Variants in SLC7A1 observed in about 807,000 individuals in gnomAD.
SLC7A1 encodes the protein solute carrier family 7 member 1, also known as high affinity cationic amino acid transporter 1.
Under a neutral mutation model 53.9 loss-of-function variants are expected in SLC7A1, and 10 were observed. The observed-to-expected ratio is 0.19, with a 90% CI of 0.11 to 0.31. The LOEUF is 0.31. Ranked by LOEUF, SLC7A1 falls within the 10% of genes least tolerant of loss-of-function variation. The pLI, the probability that SLC7A1 is intolerant of heterozygous loss-of-function variation, is 1.00. For synonymous variants in SLC7A1, 342 were observed against 338.7 expected (o/e 1.01, Z -0.11); for missense variants, 525 against 827.2 (o/e 0.63, Z 4.48).
chr13:29,579,170 C>T (rs143526057), intron 1 of SLC7A1, among the ~76,000 whole-genome samples: 1 of 152,280 alleles, frequency 6.6e-6, no homozygotes, highest in African/African-American at 2.4e-5. Context: ...GTGTATGGCT[C>T]ACTAATCCTT....
intron 1 of SLC7A1, among the ~76,000 whole-genome samples, chr13:29,571,355 A>G (rs953707670): frequency 7.2e-5 from 11 of 152,250 alleles, no homozygotes; most frequent in African/African-American, 2.4e-4. Context: ...TTATAAAAAC[A>G]TAACATAATG....
intron 2 of SLC7A1, among the ~76,000 whole-genome samples, chr13:29,537,842 T>C (rs964913900): frequency 1.7e-4 from 26 of 152,358 alleles, no homozygotes; most frequent in African/African-American, 4.6e-4. Context: ...CTAACTTGGC[T>C]GCAATTAAAT....
chr13:29,515,549 CCA>C (rs1404902910), intron 12 of SLC7A1, among the ~76,000 whole-genome samples: 1 of 152,222 alleles, frequency 6.6e-6, no homozygotes, highest in Non-Finnish European at 1.5e-5. Context: ...ATGGCCAGGG[CCA>C]CTTTCCTGGC....
chr13:29,519,646 G>T, intron 8 of SLC7A1, 97 bp from the exon 9 acceptor site: 1 of 708,558 alleles, frequency 1.4e-6, no homozygotes. Flanking sequence ...CAGCGAAGGG[G>T]GCTGCTTTTA....
intron 2 of SLC7A1, among the ~76,000 whole-genome samples, chr13:29,542,731 T>C (rs1438828309): frequency 1.4e-5 from 2 of 146,946 alleles, no homozygotes; most frequent in Non-Finnish European, 3.0e-5. Context: ...GAAAATTGAA[T>C]TGGAGAGAGT....
chr13:29,541,622 T>C (rs765463056), intron 2 of SLC7A1, among the ~76,000 whole-genome samples: 20 of 152,230 alleles, frequency 1.3e-4, no homozygotes, highest in Non-Finnish European at 2.6e-4. Flanking sequence ...GTACAATGTA[T>C]AGAAGACTGA....
chr13:29,537,931 C>T (rs1306651177), intron 2 of SLC7A1, among the ~76,000 whole-genome samples: 1 of 152,218 alleles, frequency 6.6e-6, no homozygotes, highest in Non-Finnish European at 1.5e-5. Context: ...TTTGCACCCT[C>T]AGCTGCCGGG....
intron 1 of SLC7A1, among the ~76,000 whole-genome samples, chr13:29,579,507 C>T (rs924752997): frequency 6.6e-6 from 1 of 152,100 alleles, no homozygotes; most frequent in Admixed American, 6.5e-5. Flanking sequence ...ACTACAGGCA[C>T]ACACCACCAT....
intron 1 of SLC7A1, among the ~76,000 whole-genome samples, chr13:29,581,032 A>G (rs1268807937): frequency 6.6e-6 from 1 of 152,212 alleles, no homozygotes; most frequent in Non-Finnish European, 1.5e-5. Context: ...GTTTTAAAGA[A>G]AAATGTAAAT....
intron 5 of SLC7A1, among the ~76,000 whole-genome samples, chr13:29,527,846 C>G (rs1868968113): frequency 6.6e-6 from 1 of 152,284 alleles, no homozygotes; most frequent in African/African-American, 2.4e-5. Flanking sequence ...AAAAGCCACA[C>G]TCCCCTGTTC....
chr13:29,551,556 C>T (rs1461808016), intron 2 of SLC7A1, among the ~76,000 whole-genome samples: 1 of 152,170 alleles, frequency 6.6e-6, no homozygotes, highest in Non-Finnish European at 1.5e-5. Flanking sequence ...GCCCAAGAAG[C>T]GGAAGACTCT....
At chr13:29,584,295 G>A (rs1291062384) in intron 1 of SLC7A1, among the ~76,000 whole-genome samples, 3 of 151,966 alleles carry the variant, frequency 2.0e-5, no homozygotes, top group East Asian at 1.9e-4. Flanking sequence ...GCTGTACTGC[G>A]CCACCATGCC....
intron 5 of SLC7A1, among the ~76,000 whole-genome samples, chr13:29,528,309 T>A (rs145923979): frequency 6.6e-6 from 1 of 152,234 alleles, no homozygotes; most frequent in African/African-American, 2.4e-5. Context: ...TATTGCTATG[T>A]CCACAGAACA....
intron 2 of SLC7A1, among the ~76,000 whole-genome samples, chr13:29,552,738 A>G (rs1389716059): frequency 6.6e-6 from 1 of 152,222 alleles, no homozygotes; most frequent in Non-Finnish European, 1.5e-5. Context: ...CTATAGAAAT[A>G]ATGCTTATCA....
chr13:29,590,415 T>C (rs1281356649), intron 1 of SLC7A1, among the ~76,000 whole-genome samples: 1 of 151,996 alleles, frequency 6.6e-6, no homozygotes, highest in Non-Finnish European at 1.5e-5. Flanking sequence ...CACATAAACA[T>C]ACACATACCC....
At position 29,570,086 on chromosome 13, in the gene SLC7A1, G is replaced by A. The variant is rs190171818; in HGVS notation, c.-114-16226C>T. ...ACATTACCTGGGTGGGCCAGCAGGTGAAATTACCTAGCAGCTCCCCACCTG... is the reference window on the plus strand; with the variant it reads ...ACATTACCTGGGTGGGCCAGCAGGTAAAATTACCTAGCAGCTCCCCACCTG... On this transcript the variant is annotated intron_variant, in intron 1 of 12. Transcript: ENST00000380752. Among the ~76,000 whole-genome samples the A allele has an allele frequency of 3.3e-3, 502 of 152,352 alleles. 2 individuals are homozygous for A. Among genetic ancestry groups the A allele is most frequent in the Admixed American group, 5.5e-3 (84 of 15,300 alleles).
At chr13:29,575,856 A>T (rs980502448) in intron 1 of SLC7A1, among the ~76,000 whole-genome samples, 1 of 152,226 alleles carries the variant, frequency 6.6e-6, no homozygotes, top group Non-Finnish European at 1.5e-5. Flanking sequence ...CAACTTCCAG[A>T]AAGGCCTACA....
chr13:29,565,015 G>T (rs570823390), intron 1 of SLC7A1, among the ~76,000 whole-genome samples: 2 of 152,302 alleles, frequency 1.3e-5, no homozygotes, highest in African/African-American at 4.8e-5. Context: ...TGCAGCCAGG[G>T]GGAGCTGCTA....
At chr13:29,529,760 T>G (rs1869065869) in intron 5 of SLC7A1, among the ~76,000 whole-genome samples, 1 of 152,230 alleles carries the variant, frequency 6.6e-6, no homozygotes, top group Non-Finnish European at 1.5e-5. Flanking sequence ...TCAGTCTTAA[T>G]GAAGAATCAC....
Sources: gnomAD v4.1 joint callset for allele counts (sites outside exome capture counted in the v4.1 genomes callset) on GRCh38, gnomAD v4.1.1 for gene constraint, MANE v1.5 for transcripts, NCBI Gene and HGNC (gene_info 2026-07-23, HGNC 2026-07-21) for gene names.